NAV2: variants seen among roughly 807,000 people sequenced by gnomAD.
NAV2 encodes helicase, APC down-regulated 1.
A neutral mutation model predicts 223.2 loss-of-function variants in NAV2; 54 were observed. The observed-to-expected ratio is 0.24, with a 90% CI of 0.19 to 0.30. The LOEUF is 0.30. Among genes scored for constraint, NAV2 ranks in the 10% least tolerant of loss-of-function variants. NAV2 has a pLI of 1.00. For synonymous variants in NAV2, 1,279 were observed against 1,239.3 expected (o/e 1.03, Z -0.67); for missense variants, 2,806 against 3,147.5 (o/e 0.89, Z 2.60).
At chr11:19,857,670 T>G (rs1432315373) in intron 3 of NAV2, among the ~76,000 whole-genome samples, 1 of 152,218 alleles carries the variant, frequency 6.6e-6, no homozygotes, top group East Asian at 1.9e-4. Context: ...GATTTTTTTC[T>G]TAAAGTTTGA....
chr11:20,037,480 T>C (rs894580143), intron 12 of NAV2, among the ~76,000 whole-genome samples: 5 of 152,142 alleles, frequency 3.3e-5, no homozygotes, highest in Admixed American at 2.6e-4. Flanking sequence ...GGATTCCCAG[T>C]TACTTCTTGT....
chr11:19,429,806 C>G lies in NAV2; in HGVS notation c.75+78779C>G, dbSNP rs925330615. ...AGATTAAGTCCTGAGACCGTGCAAC[C>G]AGTTTGCTGAGTGGCCTGAAGTCAG... On this transcript the variant is annotated intron_variant, in intron 1 of 37. Coordinates refer to the NAV2 transcript ENST00000360655. Among the ~76,000 whole-genome samples the G allele has an allele frequency of 6.6e-4, 100 of 152,286 alleles. 1 individual carries two copies. Among genetic ancestry groups the G allele is most frequent in the African/African-American group, 2.3e-3 (97 of 41,562 alleles).
intron 7 of NAV2, among the ~76,000 whole-genome samples, chr11:19,938,328 A>C (rs1298386210): frequency 6.6e-6 from 1 of 152,128 alleles, no homozygotes; most frequent in Non-Finnish European, 1.5e-5. Context: ...TCACAGATTC[A>C]GATGCCTAAT....
chr11:20,006,811 C>T (rs954932080), intron 11 of NAV2, among the ~76,000 whole-genome samples: 1 of 152,044 alleles, frequency 6.6e-6, no homozygotes, highest in Non-Finnish European at 1.5e-5. Flanking sequence ...GTAATCATAC[C>T]ACTGCATTCC....
intron 2 of NAV2, among the ~76,000 whole-genome samples, chr11:19,841,713 A>G (rs1416970145): frequency 1.3e-5 from 2 of 152,172 alleles, no homozygotes; most frequent in Non-Finnish European, 2.9e-5. Context: ...GGAGCATATA[A>G]AGGTTTCAAG....
intron 1 of NAV2, among the ~76,000 whole-genome samples, chr11:19,596,583 G>T (rs887185095): frequency 6.6e-6 from 1 of 152,194 alleles, no homozygotes; most frequent in Non-Finnish European, 1.5e-5. Context: ...AGCTTGGCCA[G>T]CCTCCCACTG....
intron 8 of NAV2, among the ~76,000 whole-genome samples, chr11:19,944,073 C>T (rs530921623): frequency 5.3e-5 from 8 of 152,146 alleles, no homozygotes; most frequent in East Asian, 1.9e-4. Flanking sequence ...TGGTGGCGGG[C>T]GCCTGTTATC....
chr11:19,819,240 T>C (rs965202214), intron 1 of NAV2, among the ~76,000 whole-genome samples: 1 of 152,162 alleles, frequency 6.6e-6, no homozygotes, highest in African/African-American at 2.4e-5. Context: ...GCAAAGTGCT[T>C]TCAGAGGTGA....
intron 1 of NAV2, among the ~76,000 whole-genome samples, chr11:19,592,728 G>T (rs1299616149): frequency 6.6e-6 from 1 of 152,134 alleles, no homozygotes; most frequent in Non-Finnish European, 1.5e-5. Context: ...TAACTAAGAT[G>T]ACTTGTATGA....
chr11:19,526,011 T>C (rs762876712), intron 1 of NAV2, among the ~76,000 whole-genome samples: 7 of 152,120 alleles, frequency 4.6e-5, no homozygotes, highest in Non-Finnish European at 1.0e-4. Context: ...GTGCAAAGGT[T>C]TGGGTGGGCA....
intron 1 of NAV2, among the ~76,000 whole-genome samples, chr11:19,386,574 C>T (rs182445835): frequency 2.6e-5 from 4 of 152,248 alleles, no homozygotes; most frequent in East Asian, 1.9e-4. Flanking sequence ...ATCAAGTTCA[C>T]GTTTGGACTG....
At chr11:19,853,047 T>C (rs986533103) in intron 3 of NAV2, among the ~76,000 whole-genome samples, 11 of 152,332 alleles carry the variant, frequency 7.2e-5, no homozygotes, top group Admixed American at 7.2e-4. Context: ...GTGTTTGGGT[T>C]GGTAAAGCCT....
intron 1 of NAV2, among the ~76,000 whole-genome samples, chr11:19,658,371 A>T (rs2048184477): frequency 6.6e-6 from 1 of 152,172 alleles, no homozygotes; most frequent in Admixed American, 6.5e-5. Context: ...TACTATTATT[A>T]TCTCTATTTT....
intron 1 of NAV2, among the ~76,000 whole-genome samples, chr11:19,530,931 C>T (rs1236303028): frequency 1.3e-5 from 2 of 152,176 alleles, no homozygotes; most frequent in Non-Finnish European, 2.9e-5. Flanking sequence ...AGTCATTGCT[C>T]CCTTGAAAGC....
rs188679621 is a variant in NAV2, at chr11:19,713,196, T to G, written c.-500T>G. 2.0e-6 allele frequency: 1 copy of G among 503,586 alleles called. No individual in the cohort carries two copies. The highest frequency in any genetic ancestry group is 6.4e-5 in the Admixed American group (1 of 15,710). 31.2% of individuals were successfully genotyped at this position (503,586 alleles called of 1,614,324 possible). ...CGCCCTTCTTCTCTCCTTCCTTCGC[T>G]GCTGTCTCCTTTCCTTCCTTGGCTG... On this transcript the variant is annotated 5_prime_UTR_variant, in exon 1 of 38. Transcript: ENST00000349880. The surrounding 1 kb of genome is among the most constrained non-coding windows in gnomAD (Gnocchi z 7.2).
intron 1 of NAV2, among the ~76,000 whole-genome samples, chr11:19,452,013 A>G (rs1487338859): frequency 6.6e-6 from 1 of 152,190 alleles, no homozygotes; most frequent in Non-Finnish European, 1.5e-5. Context: ...AAGTATCCTC[A>G]TAACTACGGT....
At chr11:19,610,954 T>G (rs1259145140) in intron 1 of NAV2, among the ~76,000 whole-genome samples, 1 of 152,040 alleles carries the variant, frequency 6.6e-6, no homozygotes, top group African/African-American at 2.4e-5. Context: ...CCTTCCTGGG[T>G]GAGAGGGACT....
intron 1 of NAV2, among the ~76,000 whole-genome samples, chr11:19,393,895 G>GTTTTTTTTTTTTTTTTTTTTTTTT (rs5790072): frequency 2.2e-5 from 3 of 136,234 alleles, no homozygotes; most frequent in African/African-American, 2.7e-5. Flanking sequence ...TAACTTAAGG[G>GTTTTTTTTTTTTTTTTTTTTTTTT]TTTTTTTTTT....
intron 1 of NAV2, among the ~76,000 whole-genome samples, chr11:19,749,935 G>A (rs1196704587): frequency 6.6e-6 from 1 of 152,202 alleles, no homozygotes; most frequent in Admixed American, 6.5e-5. Flanking sequence ...CTGCTGGTGG[G>A]CCATTTGAGC....
Sources: allele counts gnomAD v4.1 joint callset (sites outside exome capture counted in the v4.1 genomes callset), GRCh38; gene constraint gnomAD v4.1.1; non-coding constraint Gnocchi (gnomAD v3.1); transcripts MANE v1.5; gene names NCBI Gene and HGNC (gene_info 2026-07-23, HGNC 2026-07-21).